The following CLIP4 variants were observed in gnomAD, a reference collection of about 807,000 sequenced individuals.
The protein encoded by CLIP4 is CAP-Gly domain-containing linker protein 4.
CLIP4 carries 47 observed loss-of-function variants against 73.1 expected under a neutral mutation model. The observed-to-expected ratio is 0.64, with a 90% CI of 0.51 to 0.82. The LOEUF (loss-of-function observed/expected upper bound fraction) is 0.82. CLIP4 is among the 40% of genes least tolerant of loss of function. The probability of loss-of-function intolerance (pLI) is 0.00; values close to 1 mark genes in which losing one functional copy is unlikely to be tolerated. For missense variants in CLIP4, 874 were observed against 852.9 expected (o/e 1.02, Z -0.31); for synonymous variants, 306 against 295.4 (o/e 1.04, Z -0.37).
chr2:29,162,546 A>C (rs1164066789), intron 12 of CLIP4, among the ~76,000 whole-genome samples: 3 of 152,234 alleles, frequency 2.0e-5, no homozygotes, highest in Non-Finnish European at 2.9e-5. Context: ...CATGTTTCCA[A>C]GAGTTACATG....
At chr2:29,179,570 G>C (rs1353514934) in intron 15 of CLIP4, among the ~76,000 whole-genome samples, 1 of 152,162 alleles carries the variant, frequency 6.6e-6, no homozygotes, top group East Asian at 1.9e-4. Context: ...ATTATAAGGA[G>C]GTAATAATCC....
Position 29,181,622 on chromosome 2 carries a change from G to T in CLIP4, c.1847G>T (p.Gly616Val), listed in dbSNP as rs1573062817. 1.2e-6 allele frequency: 2 copies of T among 1,613,874 alleles called. No individual in the cohort carries two copies. Among genetic ancestry groups the T allele is most frequent in the Non-Finnish European group, 1.7e-6 (2 of 1,179,754 alleles). Reference sequence around the variant, plus strand: ...TGGAGCAGCACCCCCACCGCAGGTGGCATTGAAGGGAGCGTGAAGCTGCAC... The same window carrying T: ...TGGAGCAGCACCCCCACCGCAGGTGTCATTGAAGGGAGCGTGAAGCTGCAC... Reference protein sequence around the residue: ...RSWSSTPTAGGIEGSVKLHEG... With the variant: ...RSWSSTPTAGVIEGSVKLHEG... Residue 616 changes from glycine to valine, a missense_variant, in exon 16 of 16, where the codon GGC becomes GTC. Transcript: ENST00000320081.
At chr2:29,142,788 C>T (rs1665865006) in intron 6 of CLIP4, among the ~76,000 whole-genome samples, 1 of 152,118 alleles carries the variant, frequency 6.6e-6, no homozygotes, top group South Asian at 2.1e-4. Context: ...TATCTTTATT[C>T]TTTATATTAA....
chr2:29,127,536 AGAACCCG>A (rs1248156853), intron 2 of CLIP4, among the ~76,000 whole-genome samples: 5 of 152,232 alleles, frequency 3.3e-5, no homozygotes, highest in Non-Finnish European at 7.3e-5. Context: ...CAAACATTAA[AGAACCCG>A]CAATATTTCA....
At chr2:29,171,259 C>T (rs1285423054) in intron 14 of CLIP4, among the ~76,000 whole-genome samples, 3 of 152,074 alleles carry the variant, frequency 2.0e-5, no homozygotes, top group Non-Finnish European at 2.9e-5. Context: ...TTTATATCTT[C>T]TTTGATTTCT....
At position 29,174,437 on chromosome 2, in the gene CLIP4, T is replaced by C; in HGVS notation, c.1788T>C (p.Ala596=). ...AAAAGGAGATTAACAGAAGAAATGC[T>C]TTTTCCAAGTGAGTATTAAGAAGAT... is the stretch of plus-strand genomic sequence containing the variant. The part of the protein sequence containing the change: ...SSQKEINRRN[A]FSKSKAALRR... Residue 596 remains alanine (A), a synonymous_variant, in exon 15 of 16, where the codon GCT becomes GCC. Coordinates refer to ENST00000320081, the MANE Select transcript of CLIP4 (RefSeq NM_024692.6). The C allele has an allele frequency of 6.2e-7, 1 of 1,611,516 alleles. No individual in the cohort carries two copies. Among genetic ancestry groups the C allele is most frequent in the East Asian group, 2.2e-5 (1 of 44,780 alleles).
At chr2:29,102,477 A>G (rs1325686623) in intron 1 of CLIP4, among the ~76,000 whole-genome samples, 2 of 152,040 alleles carry the variant, frequency 1.3e-5, no homozygotes, top group African/African-American at 4.8e-5. Flanking sequence ...TGCCCACTTG[A>G]CTGCAAGAGC....
chr2:29,115,490 G>T lies in CLIP4; in HGVS notation c.-191G>T, dbSNP rs1279274770. 1 of 148,324 alleles carries T rather than the reference G, an allele frequency of 6.7e-6. No individual in the cohort carries two copies. The highest frequency in any genetic ancestry group is 1.5e-5 in the Non-Finnish European group (1 of 66,490). 9.2% of individuals were successfully genotyped at this position (148,324 alleles called of 1,614,324 possible). A position where few individuals can be genotyped will look rare whatever the true frequency, so the allele number is the denominator to read the frequency against. On this transcript the variant is annotated 5_prime_UTR_variant, in exon 1 of 16. Coordinates refer to ENST00000320081, the MANE Select transcript of CLIP4 (RefSeq NM_024692.6). The surrounding 1 kb of genome is among the most constrained non-coding windows in gnomAD (Gnocchi z 5.1). Reference sequence around the variant, plus strand: ...CGCCGCCCGGCCGCCTGCACTGCGCGCGCGCCCACCCCGCGTGGGAGGCAG... The same window carrying T: ...CGCCGCCCGGCCGCCTGCACTGCGCTCGCGCCCACCCCGCGTGGGAGGCAG...
chr2:29,152,779 C>G lies in CLIP4; in HGVS notation c.1116C>G (p.Ile372Met), dbSNP rs1347831044. 11 of 1,613,862 alleles carry G rather than the reference C, an allele frequency of 6.8e-6. No individual in the cohort carries two copies. In the East Asian group the frequency reaches 2.5e-4, roughly 36 times the overall value. Residue 372 changes from isoleucine (I) to methionine (M), a missense_variant, in exon 9 of 16, where the codon ATC becomes ATG. Ile to Met is a conservative substitution (Grantham distance 10). Coordinates refer to ENST00000320081, the MANE Select transcript of CLIP4 (RefSeq NM_024692.6). ...CTACAAAAGCTGCTGTACCTCTCAT[C>G]AGGTCCCAGAAAATTGACGTAGCTC... Reference protein sequence around the residue: ...TPSTKAAVPLIRSQKIDVAHV... With the variant: ...TPSTKAAVPLMRSQKIDVAHV...
At chr2:29,151,315 A>G (rs1223656203) in intron 8 of CLIP4, among the ~76,000 whole-genome samples, 5 of 152,228 alleles carry the variant, frequency 3.3e-5, no homozygotes, top group African/African-American at 1.2e-4. Context: ...AAAAGATCAT[A>G]CAAATATACA....
At chr2:29,116,255 T>A (rs980398135) in intron 1 of CLIP4, among the ~76,000 whole-genome samples, 4 of 152,226 alleles carry the variant, frequency 2.6e-5, no homozygotes, top group Admixed American at 2.6e-4. Flanking sequence ...TCACTGCTTA[T>A]GATGGTAGAG....
chr2:29,154,325 A>G (rs1666777465), intron 9 of CLIP4, among the ~76,000 whole-genome samples: 1 of 152,118 alleles, frequency 6.6e-6, no homozygotes, highest in Non-Finnish European at 1.5e-5. Context: ...ATCACCTGTT[A>G]TCTTTATTGC....
intron 14 of CLIP4, among the ~76,000 whole-genome samples, chr2:29,170,754 ATTTTGAGTTAAT>A (rs1408579978): frequency 6.6e-6 from 1 of 151,896 alleles, no homozygotes; most frequent in Non-Finnish European, 1.5e-5. Flanking sequence ...TCTATGATCC[ATTTTGAGTTAAT>A]TTTTGGGTAA....
chr2:29,118,810 A>G (rs1284029663), intron 1 of CLIP4, among the ~76,000 whole-genome samples: 1 of 152,092 alleles, frequency 6.6e-6, no homozygotes, highest in Middle Eastern at 3.2e-3. Flanking sequence ...GTGAGCCACC[A>G]TGCCTGGCAG....
intron 6 of CLIP4, among the ~76,000 whole-genome samples, chr2:29,142,628 G>A (rs1454648730): frequency 1.3e-5 from 2 of 152,046 alleles, no homozygotes; most frequent in Non-Finnish European, 2.9e-5. Flanking sequence ...TTCTACTAAG[G>A]ACCAACCTGA....
chr2:29,130,747 A>G, intron 2 of CLIP4: 2 of 1,258,428 alleles, frequency 1.6e-6, no homozygotes, highest in South Asian at 1.3e-5. Flanking sequence ...CTCATCTTTT[A>G]GTTATGCTGA....
upstream of CLIP4, among the ~76,000 whole-genome samples, chr2:29,111,423 G>A (rs76508436): frequency 0.017 from 2,536 of 152,302 alleles, 70 homozygotes; most frequent in African/African-American, 0.058. Context: ...AACACTGTAC[G>A]TTAGGACTTT....
upstream of CLIP4, among the ~76,000 whole-genome samples, chr2:29,113,788 T>C (rs369725958): frequency 2.0e-5 from 3 of 152,236 alleles, no homozygotes; most frequent in South Asian, 4.1e-4. This position sits in a 1 kb window ranked among gnomAD's most constrained non-coding sequence, Gnocchi z 4.0. Flanking sequence ...ACTTCACCAA[T>C]AGCTACTCTG....
chr2:29,179,982 T>G (rs993720819), intron 15 of CLIP4, among the ~76,000 whole-genome samples: 3 of 152,210 alleles, frequency 2.0e-5, no homozygotes, highest in Non-Finnish European at 4.4e-5. Flanking sequence ...CTTCCTTTCT[T>G]ATAGAGTGGT....
Sources: allele counts gnomAD v4.1 joint callset (sites outside exome capture counted in the v4.1 genomes callset), GRCh38; gene constraint gnomAD v4.1.1; non-coding constraint Gnocchi (gnomAD v3.1); transcripts MANE v1.5; gene names NCBI Gene and HGNC (gene_info 2026-07-23, HGNC 2026-07-21).